The following COL18A1 variants were observed in gnomAD, a reference collection of about 807,000 sequenced individuals.
COL18A1 encodes collagen alpha-1(XVIII) chain.
In COL18A1, 133 loss-of-function variants were observed where a neutral mutation model predicts 168.0. The ratio of observed to expected loss-of-function variants is 0.79; its 90% CI spans 0.69 to 0.91. The LOEUF is 0.91. COL18A1 is among the 40% of genes least tolerant of loss of function. The probability of loss-of-function intolerance (pLI) is 0.00; values close to 1 mark genes in which losing one functional copy is unlikely to be tolerated. For synonymous variants in COL18A1, 949 were observed against 809.0 expected (o/e 1.17, Z -2.94); for missense variants, 2,126 against 1,925.4 (o/e 1.10, Z -1.95).
intron 2 of COL18A1, among the ~76,000 whole-genome samples, chr21:45,461,810 G>A (rs780127246): frequency 6.6e-6 from 1 of 152,200 alleles, no homozygotes; most frequent in Non-Finnish European, 1.5e-5. Flanking sequence ...GTTACAAACT[G>A]TTGTTGCAAT....
Position 45,468,794 on chromosome 21 carries a change from C to A in COL18A1, c.651+8C>A. 6.3e-7 allele frequency: 1 copy of A among 1,585,226 alleles called. No homozygotes were observed. Among genetic ancestry groups the A allele is most frequent in the Non-Finnish European group, 8.5e-7 (1 of 1,172,490 alleles). Reference sequence around the variant, plus strand: ...GACCCTGACAAGTTCCAGGTAACCCCCACTGTGCCGTCGCTGGGGGACTGG... The same window carrying A: ...GACCCTGACAAGTTCCAGGTAACCCACACTGTGCCGTCGCTGGGGGACTGG... On this transcript the variant is annotated splice_region_variant and intron_variant, in intron 3 of 41. Transcript: ENST00000651438.
At chr21:45,507,397 T>A in intron 37 of COL18A1, 164 bp from the exon 38 acceptor site, 1 of 524,160 alleles carries the variant, frequency 1.9e-6, no homozygotes, top group Admixed American at 2.8e-5. Flanking sequence ...GCAGGGAGCG[T>A]ACCCTGGCAC....
At chr21:45,509,253 T>G in intron 38 of COL18A1, 103 bp from the exon 39 acceptor site, 1 of 1,476,196 alleles carries the variant, frequency 6.8e-7, no homozygotes, top group Non-Finnish European at 9.0e-7. Context: ...TGCTTGCCAG[T>G]TCAGAGCCCA....
At chr21:45,424,505 C>T (rs1395650470) in intron 2 of COL18A1, 1 of 152,322 alleles carries the variant, frequency 6.6e-6, no homozygotes, top group African/African-American at 2.4e-5. Context: ...GCAGCCGTGC[C>T]TGAGCCTGCG....
At chr21:45,450,146 C>T (rs1405288262) in intron 2 of COL18A1, among the ~76,000 whole-genome samples, 4 of 152,172 alleles carry the variant, frequency 2.6e-5, no homozygotes, top group African/African-American at 9.7e-5. Context: ...CTCCAGGAGC[C>T]TGCCTGGGCC....
intron 38 of COL18A1, among the ~76,000 whole-genome samples, chr21:45,508,443 G>A: frequency 6.6e-6 from 1 of 151,030 alleles, no homozygotes; most frequent in South Asian, 2.1e-4. Flanking sequence ...TGGTGGGTAA[G>A]TGGGTGAGTG....
chr21:45,504,285 A>T (rs564033423), intron 33 of COL18A1, 131 bp from the exon 34 acceptor site: 31 of 978,738 alleles, frequency 3.2e-5, no homozygotes, highest in Non-Finnish European at 4.6e-6. Context: ...GCCCTATTCT[A>T]TGCAGCCAGC....
intron 2 of COL18A1, chr21:45,455,740 CA>C: frequency 6.2e-7 from 1 of 1,613,846 alleles, no homozygotes; most frequent in South Asian, 1.1e-5. Context: ...GGAATGGTTC[CA>C]CAGAGCCAGC....
In COL18A1 at chr21:45,475,468, C is replaced by A; in HGVS notation, c.739-8C>A. Reference sequence around the variant, plus strand: ...TCTCTCCAGCCTTTCCCTTTTCAAACTCCTCAGGCATCCGGAGACTCTGGC... The same window carrying A: ...TCTCTCCAGCCTTTCCCTTTTCAAAATCCTCAGGCATCCGGAGACTCTGGC... On this transcript the variant is annotated splice_region_variant and splice_polypyrimidine_tract_variant and intron_variant, in intron 4 of 41. Coordinates refer to ENST00000651438, the MANE Select transcript of COL18A1 (RefSeq NM_001379500.1). 6.3e-7 allele frequency: 1 copy of A among 1,596,816 alleles called. No homozygotes were observed. Among genetic ancestry groups the A allele is most frequent in the Non-Finnish European group, 8.5e-7 (1 of 1,173,314 alleles).
chr21:45,481,146 G>A (rs2838941), intron 13 of COL18A1, among the ~76,000 whole-genome samples: 18,377 of 152,178 alleles, frequency 0.12, 1,846 homozygotes, highest in African/African-American at 0.27. Flanking sequence ...CACAGAGAGC[G>A]TCTCCATGAG....
chr21:45,470,074 G>A (rs1055596369), intron 3 of COL18A1, among the ~76,000 whole-genome samples: 4 of 152,260 alleles, frequency 2.6e-5, no homozygotes, highest in East Asian at 1.9e-4. Context: ...GCTGAGTGCC[G>A]AGAGCTCGGT....
Position 45,473,578 on chromosome 21 carries a change from C to G in COL18A1, c.652-317C>G, listed in dbSNP as rs1187632359. On this transcript the variant is annotated intron_variant, in intron 3 of 41. Coordinates refer to ENST00000651438, the MANE Select transcript of COL18A1 (RefSeq NM_001379500.1). The surrounding 1 kb of genome is among the most constrained non-coding windows in gnomAD (Gnocchi z 4.0). ...CTGCCCGCCCTCCCAGGCCTTGGAT[C>G]GAGCCACACCTGCTGTGGTTCTAAA... Among the ~76,000 whole-genome samples the G allele has an allele frequency of 6.6e-6, 1 of 152,158 alleles. No homozygotes were observed. The highest frequency in any genetic ancestry group is 1.9e-4 in the East Asian group (1 of 5,186).
intron 3 of COL18A1, among the ~76,000 whole-genome samples, chr21:45,470,467 TGGTTTTTTTGTG>T (rs1302273049): frequency 7.9e-6 from 1 of 125,918 alleles, no homozygotes; most frequent in Non-Finnish European, 1.7e-5. Flanking sequence ...ATTGGATGTG[TGGTTTTTTTGTG>T]GGTTTTTTTT....
intron 34 of COL18A1, among the ~76,000 whole-genome samples, 199 bp downstream of exon 34, chr21:45,504,755 C>A (rs1178741862): frequency 1.3e-5 from 2 of 152,138 alleles, no homozygotes; most frequent in African/African-American, 4.8e-5. Context: ...GGACACCCCC[C>A]GTCCCCCTGC....
intron 2 of COL18A1, among the ~76,000 whole-genome samples, chr21:45,437,696 A>T (rs1478934366): frequency 3.9e-5 from 3 of 77,620 alleles, no homozygotes; most frequent in Non-Finnish European, 7.0e-5. Flanking sequence ...CTGCACACAC[A>T]CACACACACT....
At chr21:45,407,987 T>G (rs2033169443) in intron 2 of COL18A1, 1 of 152,276 alleles carries the variant, frequency 6.6e-6, no homozygotes. Flanking sequence ...GCGTAGAAGG[T>G]GGTCTTGTTT....
chr21:45,474,000 A>G lies in COL18A1; in HGVS notation c.738+19A>G. 6.4e-7 allele frequency: 1 copy of G among 1,564,910 alleles called. No homozygotes were observed. Among genetic ancestry groups the G allele is most frequent in the Non-Finnish European group, 8.7e-7 (1 of 1,152,200 alleles). On this transcript the variant is annotated intron_variant, in intron 4 of 41. Coordinates refer to ENST00000651438, the MANE Select transcript of COL18A1 (RefSeq NM_001379500.1). This position sits in a 1 kb window ranked among gnomAD's most constrained non-coding sequence, Gnocchi z 4.0. Reference sequence around the variant, plus strand: ...AGATGGGGTGAGTGACATCTGGGGCACGGGTGGGGTCTCCCCTCAATCCCT... The same window carrying G: ...AGATGGGGTGAGTGACATCTGGGGCGCGGGTGGGGTCTCCCCTCAATCCCT...
chr21:45,422,776 A>G (rs1012512312), intron 2 of COL18A1: 18 of 220,114 alleles, frequency 8.2e-5, no homozygotes, highest in African/African-American at 2.9e-4. Context: ...GGGTGGTGTC[A>G]GGAAGGTCCA....
intron 2 of COL18A1, among the ~76,000 whole-genome samples, chr21:45,434,902 A>G (rs1174409730): frequency 6.6e-6 from 1 of 152,124 alleles, no homozygotes; most frequent in Non-Finnish European, 1.5e-5. Context: ...GTCCTAGACC[A>G]GGCCCTGGTT....
Sources: allele counts gnomAD v4.1 joint callset (sites outside exome capture counted in the v4.1 genomes callset), GRCh38; gene constraint gnomAD v4.1.1; non-coding constraint Gnocchi (gnomAD v3.1); transcripts MANE v1.5; gene names NCBI Gene and HGNC (gene_info 2026-07-23, HGNC 2026-07-21).